ADIG: variants seen among roughly 807,000 people sequenced by gnomAD.
The protein encoded by ADIG is adipogenesis associated.
ADIG carries 12 observed loss-of-function variants against 10.7 expected under a neutral mutation model. The observed-to-expected ratio is 1.12, with a 90% CI of 0.72 to 1.82. The LOEUF (loss-of-function observed/expected upper bound fraction) is 1.82, where lower values mean the gene tolerates loss of function less well. Ranked by LOEUF, ADIG falls within the 40% of genes most tolerant of loss-of-function variation. The pLI, the probability that ADIG is intolerant of heterozygous loss-of-function variation, is 0.00. For synonymous variants in ADIG, 32 were observed against 35.6 expected (o/e 0.90, Z 0.36); for missense variants, 72 against 92.5 (o/e 0.78, Z 0.91).
At chr20:38,583,365 T>C (rs1305800077) in intron 1 of ADIG, among the ~76,000 whole-genome samples, 1 of 152,234 alleles carries the variant, frequency 6.6e-6, no homozygotes, top group Non-Finnish European at 1.5e-5. Flanking sequence ...ATCCTGACTC[T>C]GCCACCTACC....
chr20:38,585,893 C>T (rs1423040399), intron 1 of ADIG, 136 bp from the exon 2 acceptor site: 2 of 834,646 alleles, frequency 2.4e-6, no homozygotes, highest in Non-Finnish European at 3.8e-6. Context: ...TCAAGGCTGG[C>T]TCATAGGATT....
intron 2 of ADIG, among the ~76,000 whole-genome samples, chr20:38,586,880 CAT>C (rs1465969789): frequency 3.3e-5 from 5 of 152,110 alleles, no homozygotes; most frequent in African/African-American, 1.2e-4. Flanking sequence ...CACATACTCT[CAT>C]GTGAGGTGTC....
intron 1 of ADIG, among the ~76,000 whole-genome samples, chr20:38,583,360 G>C (rs2088605213): frequency 6.6e-6 from 1 of 152,156 alleles, no homozygotes. Flanking sequence ...TTCAAATCCT[G>C]ACTCTGCCAC....
chr20:38,585,926 C>G (rs1362086603), intron 1 of ADIG, 103 bp from the exon 2 acceptor site: 2 of 1,207,098 alleles, frequency 1.7e-6, no homozygotes, highest in East Asian at 5.1e-5. Flanking sequence ...TAGCCTCAGG[C>G]AAGGCTGCAG....
chr20:38,582,920 C>T (rs566956922), intron 1 of ADIG, among the ~76,000 whole-genome samples: 5 of 152,222 alleles, frequency 3.3e-5, no homozygotes, highest in Admixed American at 2.6e-4. Flanking sequence ...TGGCTTCAAG[C>T]GATTCTCCTG....
At chr20:38,582,300 G>T (rs555582828) in intron 1 of ADIG, among the ~76,000 whole-genome samples, 27 of 152,310 alleles carry the variant, frequency 1.8e-4, no homozygotes, top group Non-Finnish European at 3.7e-4. Flanking sequence ...AGGAGGCTGA[G>T]GTGGGAGAAT....
chr20:38,583,086 G>A (rs1036952948), intron 1 of ADIG, among the ~76,000 whole-genome samples: 1 of 152,150 alleles, frequency 6.6e-6, no homozygotes, highest in Non-Finnish European at 1.5e-5. Flanking sequence ...TCAAAGTGAT[G>A]GGATTACAGG....
At position 38,586,060 on chromosome 20, in the gene ADIG, G is replaced by A; in HGVS notation, c.156G>A (p.Leu52=). 6.2e-7 allele frequency: 1 copy of A among 1,610,544 alleles called. No individual in the cohort carries two copies. The stretch of plus-strand genomic sequence containing the variant: ...AGGAAAATGACTCCAGTGTGTGCTT[G>A]GATTGGGAGCCCTGGAGCAAAGGCC... The part of the protein sequence containing the change: ...DSEENDSSVC[L]DWEPWSKGPA... The change falls in exon 2 of 3, where the codon TTG becomes TTA. Residue 52 remains leucine, a synonymous_variant. Transcript: ENST00000537425.
At chr20:38,586,251 AT>A in intron 2 of ADIG, 90 bp downstream of exon 2, 1 of 996,584 alleles carries the variant, frequency 1.0e-6, no homozygotes, top group Non-Finnish European at 1.5e-6. Flanking sequence ...CCTCCACCAT[AT>A]TAGAGGTATG....
At chr20:38,582,598 A>C (rs1422396853) in intron 1 of ADIG, among the ~76,000 whole-genome samples, 2 of 152,128 alleles carry the variant, frequency 1.3e-5, no homozygotes, top group African/African-American at 4.8e-5. Context: ...AATTATTGGG[A>C]GTTCCTGGCA....
intron 2 of ADIG, among the ~76,000 whole-genome samples, chr20:38,586,621 C>T (rs573468277): frequency 3.9e-5 from 6 of 152,264 alleles, no homozygotes; most frequent in Non-Finnish European, 8.8e-5. Flanking sequence ...TAGTACTTAC[C>T]GCCTTCTAAC....
At chr20:38,585,015 G>T (rs1240092491) in intron 1 of ADIG, among the ~76,000 whole-genome samples, 1 of 152,140 alleles carries the variant, frequency 6.6e-6, no homozygotes, top group African/African-American at 2.4e-5. Context: ...TGATCTCATG[G>T]TCACCCGCCT....
rs115965434 is a variant in ADIG at position 38,588,232 on chromosome 20, G to T, written c.*146G>T. On this transcript the variant is annotated 3_prime_UTR_variant, in exon 3 of 3. Transcript: ENST00000537425. ...CCCCAACTCATCTCCTCTTCAGACCGACATGTGAAAGCCTCCAGAGGTCCC... is the reference window on the plus strand; with the variant it reads ...CCCCAACTCATCTCCTCTTCAGACCTACATGTGAAAGCCTCCAGAGGTCCC... 960 of 1,304,474 alleles carry T rather than the reference G, an allele frequency of 7.4e-4. 3 individuals are homozygous for T. The African/African-American group carries it at 0.012, about 17-fold the overall frequency. 80.8% of individuals were successfully genotyped at this position (1,304,474 alleles called of 1,614,324 possible). A position where few individuals can be genotyped will look rare whatever the true frequency, so the allele number is the denominator to read the frequency against.
intron 2 of ADIG, 74 bp downstream of exon 2, chr20:38,586,235 AG>A: frequency 8.1e-7 from 1 of 1,231,240 alleles, no homozygotes; most frequent in Admixed American, 2.1e-5. Flanking sequence ...TGTGGGCAAG[AG>A]GCTGCCTCCA....
intron 2 of ADIG, among the ~76,000 whole-genome samples, chr20:38,587,314 T>C (rs2088646232): frequency 1.3e-5 from 2 of 152,180 alleles, no homozygotes; most frequent in African/African-American, 4.8e-5. Flanking sequence ...CGACCCTGTC[T>C]GAGTGGAGGG....
chr20:38,585,530 G>T, intron 1 of ADIG: 1 of 1,550,398 alleles, frequency 6.4e-7, no homozygotes, highest in South Asian at 1.2e-5. Flanking sequence ...CATGTGGTGT[G>T]ACTCTCCCAC....
chr20:38,585,494 G>GC, intron 1 of ADIG: 2 of 1,550,608 alleles, frequency 1.3e-6, no homozygotes, highest in Non-Finnish European at 1.7e-6. Flanking sequence ...TTCATGACAA[G>GC]CCATCAGACG....
Position 38,588,215 on chromosome 20 carries a change from C to T in ADIG, c.*129C>T. 7.7e-7 allele frequency: 1 copy of T among 1,304,674 alleles called. No individual in the cohort carries two copies. 80.8% of individuals were successfully genotyped at this position (1,304,674 alleles called of 1,614,324 possible). A position where few individuals can be genotyped will look rare whatever the true frequency, so the allele number is the denominator to read the frequency against. On this transcript the variant is annotated 3_prime_UTR_variant, in exon 3 of 3. Transcript: ENST00000537425. ...TGGTGCCTCCCTGGAACCCCCAACT[C>T]ATCTCCTCTTCAGACCGACATGTGA...
intron 1 of ADIG, 125 bp downstream of exon 1, chr20:38,581,499 G>T: frequency 7.3e-7 from 1 of 1,367,998 alleles, no homozygotes; most frequent in Non-Finnish European, 1.0e-6. Flanking sequence ...TGCTCGCTTA[G>T]ATACAAGCAG....
Sources: gnomAD v4.1 joint callset for allele counts (sites outside exome capture counted in the v4.1 genomes callset) on GRCh38, gnomAD v4.1.1 for gene constraint, MANE v1.5 for transcripts, NCBI Gene and HGNC (gene_info 2026-07-23, HGNC 2026-07-21) for gene names.